Variants in DTNB observed in about 807,000 individuals in gnomAD.
DTNB encodes dystrobrevin beta.
In DTNB, 63 loss-of-function variants were observed where a neutral mutation model predicts 90.7. The observed-to-expected ratio is 0.69, with a 90% CI of 0.57 to 0.86. The LOEUF (loss-of-function observed/expected upper bound fraction) is 0.86, where lower values mean the gene tolerates loss of function less well. Ranked by LOEUF, DTNB falls within the 40% of genes least tolerant of loss-of-function variation. The pLI, the probability that DTNB is intolerant of heterozygous loss-of-function variation, is 0.00. For synonymous variants in DTNB, 277 were observed against 286.7 expected (o/e 0.97, Z 0.34); for missense variants, 744 against 807.1 (o/e 0.92, Z 0.95).
rs70947896 is a variant in DTNB, at chr2:25,616,931, C to CAAAA, written c.363-9614_363-9611dup. ...TGGGCGACAGAGCAAGACCCCGTCT[C>CAAAA]AAAAAAAAAAAAAAAAAAAAAGGAA... On this transcript the variant is annotated intron_variant, in intron 4 of 20. Coordinates refer to ENST00000406818, the MANE Select transcript of DTNB (RefSeq NM_021907.5). Among the ~76,000 whole-genome samples, 466 of 70,248 alleles carry CAAAA rather than the reference C, an allele frequency of 6.6e-3. 8 individuals carry two copies. The highest frequency in any genetic ancestry group is 0.021 in the East Asian group (48 of 2,290). The allele number at this position is 70,248 out of a possible 152,430, so 46.1% of individuals were successfully genotyped here. A position where few individuals can be genotyped will look rare whatever the true frequency, so the allele number is the denominator to read the frequency against.
At chr2:25,494,350 A>T (rs1445857194) in intron 9 of DTNB, among the ~76,000 whole-genome samples, 1 of 152,108 alleles carries the variant, frequency 6.6e-6, no homozygotes, top group Non-Finnish European at 1.5e-5. Flanking sequence ...GTATTATCCA[A>T]ATGAATTTTT....
At chr2:25,656,105 C>G (rs1409429131) in intron 1 of DTNB, among the ~76,000 whole-genome samples, 1 of 152,162 alleles carries the variant, frequency 6.6e-6, no homozygotes, top group Non-Finnish European at 1.5e-5. Context: ...CAAGGATAAC[C>G]TCCAAAATAA....
intron 16 of DTNB, among the ~76,000 whole-genome samples, chr2:25,398,711 T>A (rs990435728): frequency 6.6e-6 from 1 of 152,144 alleles, no homozygotes; most frequent in Non-Finnish European, 1.5e-5. Context: ...TGCCACTCCC[T>A]CTGCTGGGAG....
At chr2:25,533,691 A>G (rs2078719823) in intron 8 of DTNB, among the ~76,000 whole-genome samples, 1 of 152,096 alleles carries the variant, frequency 6.6e-6, no homozygotes, top group South Asian at 2.1e-4. Flanking sequence ...CTCAAAATAC[A>G]CTGTGTTCTT....
At chr2:25,522,404 T>C (rs906592154) in intron 9 of DTNB, among the ~76,000 whole-genome samples, 6 of 152,134 alleles carry the variant, frequency 3.9e-5, no homozygotes, top group Non-Finnish European at 7.4e-5. Context: ...AGGAGTCAGA[T>C]GCCTGTGTAT....
At chr2:25,469,897 C>G (rs1167605572) in intron 10 of DTNB, among the ~76,000 whole-genome samples, 1 of 152,156 alleles carries the variant, frequency 6.6e-6, no homozygotes, top group East Asian at 1.9e-4. Flanking sequence ...AGGCAAGAAA[C>G]TCAGTGAGGA....
In DTNB at chr2:25,607,301, G is replaced by T. The variant is rs374240206; in HGVS notation, c.383C>A (p.Thr128Lys). 6 of 1,604,866 alleles carry T rather than the reference G, an allele frequency of 3.7e-6. No individual in the cohort carries two copies. The highest frequency in any genetic ancestry group is 5.1e-6 in the Non-Finnish European group (6 of 1,175,574). ...AYDSEGRGKL[T>K]VFSVKAMLAT... ...TAACATAGCTTTAACTGAAAATACC[G>T]TCAACTTGCCTCGGCCCTCACTGCA... Residue 128 changes from threonine to lysine, a missense_variant, in exon 5 of 21, where the codon ACG becomes AAG. Thr to Lys is a moderately conservative substitution (Grantham distance 78). Transcript: ENST00000406818.
intron 8 of DTNB, among the ~76,000 whole-genome samples, chr2:25,537,626 G>T (rs938134069): frequency 6.6e-6 from 1 of 152,180 alleles, no homozygotes; most frequent in Non-Finnish European, 1.5e-5. Flanking sequence ...TTCCTTAAAA[G>T]ATCTCAGATT....
At position 25,609,675 on chromosome 2, in the gene DTNB, C is replaced by T. The variant is rs887556121; in HGVS notation, c.363-2354G>A. Among the ~76,000 whole-genome samples, 152 of 148,602 alleles carry T rather than the reference C, an allele frequency of 1.0e-3. 1 individual carries two copies. Among genetic ancestry groups the T allele is most frequent in the African/African-American group, 3.4e-3 (136 of 40,106 alleles). Reference sequence around the variant, plus strand: ...TAGAATGTACACACACACACACACACACACACACACACACACACACACACA... The same window carrying T: ...TAGAATGTACACACACACACACACATACACACACACACACACACACACACA... On this transcript the variant is annotated intron_variant, in intron 4 of 20. Transcript: ENST00000406818.
intron 4 of DTNB, among the ~76,000 whole-genome samples, chr2:25,623,583 G>A (rs903193504): frequency 3.3e-5 from 5 of 152,106 alleles, no homozygotes; most frequent in African/African-American, 9.7e-5. Context: ...CTGAATTGAC[G>A]TGATCCTGGA....
At chr2:25,419,754 C>T (rs1206834938) in intron 15 of DTNB, among the ~76,000 whole-genome samples, 1 of 152,082 alleles carries the variant, frequency 6.6e-6, no homozygotes, top group Non-Finnish European at 1.5e-5. Context: ...TCAATGCTAA[C>T]TCCTAGAGCT....
chr2:25,410,526 A>G (rs1224858441), intron 16 of DTNB, among the ~76,000 whole-genome samples: 1 of 152,210 alleles, frequency 6.6e-6, no homozygotes, highest in Non-Finnish European at 1.5e-5. Flanking sequence ...AAAGAAACCA[A>G]AACCATTTTT....
intron 8 of DTNB, among the ~76,000 whole-genome samples, chr2:25,535,031 C>T (rs537827394): frequency 4.9e-4 from 71 of 143,550 alleles, no homozygotes; most frequent in East Asian, 1.1e-3. Context: ...ACCTCCCAGA[C>T]GAAGAGCGGC....
chr2:25,662,681 A>ACACACACACAAACACAC (rs35419647), intron 1 of DTNB, among the ~76,000 whole-genome samples: 1 of 104,462 alleles, frequency 9.6e-6, no homozygotes, highest in Non-Finnish European at 2.0e-5. Context: ...CACACACACA[A>ACACACACACAAACACAC]ACACACACAC....
rs184748993 is a variant in DTNB, at chr2:25,624,118, T to C, written c.362+4053A>G. 1.6e-3 allele frequency among the ~76,000 whole-genome samples: 251 copies of C among 152,354 alleles called. 4 individuals carry two copies. The South Asian group carries it at 0.028, about 17-fold the overall frequency. ...AAACCTAGCTCTCCACAACTCTTTA[T>C]CATAACTCTTTCAACCAACTGCCAA... On this transcript the variant is annotated intron_variant, in intron 4 of 20. Coordinates refer to ENST00000406818, the MANE Select transcript of DTNB (RefSeq NM_021907.5).
intron 5 of DTNB, among the ~76,000 whole-genome samples, chr2:25,601,379 C>A (rs571885589): frequency 6.6e-6 from 1 of 152,244 alleles, no homozygotes; most frequent in East Asian, 1.9e-4. Flanking sequence ...AAAAAGGAAG[C>A]TTTCTCCCTT....
At chr2:25,482,725 A>T in intron 10 of DTNB, 71 bp downstream of exon 10, 1 of 1,524,126 alleles carries the variant, frequency 6.6e-7, no homozygotes, top group Admixed American at 1.7e-5. Context: ...TTCAGGCCTC[A>T]TTTCTGGCAG....
intron 16 of DTNB, among the ~76,000 whole-genome samples, chr2:25,390,469 AGT>A (rs1451816885): frequency 6.9e-6 from 1 of 145,156 alleles, no homozygotes; most frequent in Non-Finnish European, 1.5e-5. Flanking sequence ...TTTGAGATGG[AGT>A]TTCACTCTTT....
At chr2:25,392,424 G>A (rs2149574686) in intron 16 of DTNB, among the ~76,000 whole-genome samples, 1 of 152,096 alleles carries the variant, frequency 6.6e-6, no homozygotes, top group South Asian at 2.1e-4. Flanking sequence ...ATGAATGAAT[G>A]AATGAATGAA....
Sources: gnomAD v4.1 joint callset for allele counts (sites outside exome capture counted in the v4.1 genomes callset) on GRCh38, gnomAD v4.1.1 for gene constraint, MANE v1.5 for transcripts, NCBI Gene and HGNC (gene_info 2026-07-23, HGNC 2026-07-21) for gene names.